The following EPPK1 variants were observed in gnomAD, a reference collection of about 807,000 sequenced individuals.
EPPK1 encodes the protein epiplakin.
For missense variants in EPPK1, 3,823 were observed against 3,673.3 expected, an observed-to-expected ratio of 1.04 and a Z score of -1.05; for synonymous variants, 1,862 against 1,721.2, an observed-to-expected ratio of 1.08 and a Z score of -2.03.
rs372896876 is a variant in EPPK1, at chr8:143,867,360, C to A, written c.5894G>T (p.Arg1965Leu). 2 of 1,612,886 alleles carry A rather than the reference C, an allele frequency of 1.2e-6. No individual in the cohort carries two copies. Among genetic ancestry groups the A allele is most frequent in the Middle Eastern group, 1.6e-4 (1 of 6,062 alleles). ...VDVGLVNEEL[R>L]ERLLKAERAA... ...TCTTTCAGCCTTCAGGAGCCTCTCC[C>A]GCAGCTCCTCGTTCACCAGGCCCAC... Residue 1965 changes from arginine to leucine, a missense_variant, in exon 2 of 2, where the codon CGG (arginine) becomes CTG (leucine). By Grantham distance (102) the Arg-to-Leu change is moderately radical. Transcript: ENST00000615648.
chr8:143,878,615 G>A (rs1428700226), upstream of EPPK1, among the ~76,000 whole-genome samples: 1 of 151,534 alleles, frequency 6.6e-6, no homozygotes, highest in African/African-American at 2.4e-5. Flanking sequence ...CTTGCACCCC[G>A]GGCAAGGGGC....
chr8:143,879,169 G>A (rs1554662827), upstream of EPPK1, among the ~76,000 whole-genome samples: 1 of 152,180 alleles, frequency 6.6e-6, no homozygotes, highest in African/African-American at 2.4e-5. Flanking sequence ...CCTCAGCCTG[G>A]CACGGGAACC....
In EPPK1 at chr8:143,873,199, G is replaced by T; in HGVS notation, c.55C>A (p.Gln19Lys). The change falls in exon 2 of 2, where the codon CAG becomes AAG. Residue 19 changes from glutamine to lysine, a missense_variant. Transcript: ENST00000615648. ...GCCATGGCTCTGGGTACACTGGCCT[G>T]CTCTGTGCTGTTGGTGCCTGGGACG... is the stretch of plus-strand genomic sequence containing the variant. ...LPVPGTNSTEQASVPRAMAAT... is the reference protein window; with the variant it reads ...LPVPGTNSTEKASVPRAMAAT... The T allele has an allele frequency of 2.5e-6, 4 of 1,590,618 alleles. No individual in the cohort carries two copies. The highest frequency in any genetic ancestry group is 3.4e-6 in the Non-Finnish European group (4 of 1,172,128).
Position 143,868,349 on chromosome 8 carries a change from C to G in EPPK1, c.4905G>C (p.Gly1635=), listed in dbSNP as rs1819212920. 2 of 1,613,026 alleles carry G rather than the reference C, an allele frequency of 1.2e-6. No individual in the cohort carries two copies. Among genetic ancestry groups the G allele is most frequent in the Non-Finnish European group, 1.7e-6 (2 of 1,179,984 alleles). The change falls in exon 2 of 2, where the codon GGG becomes GGC. Residue 1635 remains glycine, a synonymous_variant. Transcript: ENST00000615648. ...ACAGCAGCTTCACGTAGGTTTCTTT[C>G]CCGAACATTCCTGCTTTGAACGCCT... ...VEEAFKAGMF[G]KETYVKLLSA... is the part of the protein sequence containing the mutation.
In EPPK1 at chr8:143,868,130, G is replaced by C; in HGVS notation, c.5124C>G (p.Gly1708=). 2.5e-6 allele frequency: 4 copies of C among 1,613,332 alleles called. No individual in the cohort carries two copies. The highest frequency in any genetic ancestry group is 3.4e-6 in the Non-Finnish European group (4 of 1,180,042). Residue 1708 remains glycine (G), a synonymous_variant, in exon 2 of 2, where the codon GGC becomes GGG. Coordinates refer to ENST00000615648, the MANE Select transcript of EPPK1 (RefSeq NM_031308.4). ...RVPVDVAYRC[G]YFDEEMNRIL... ...TGCGGTTCATCTCCTCGTCGAAGTA[G>C]CCGCAGCGGTAGGCCACGTCCACGG...
rs781999590 is a variant in EPPK1 at position 143,870,512 on chromosome 8, C to G, written c.2742G>C (p.Glu914Asp). 1.7e-5 allele frequency: 27 copies of G among 1,608,888 alleles called. No individual in the cohort carries two copies. Among genetic ancestry groups the G allele is most frequent in the Non-Finnish European group, 2.2e-5 (26 of 1,177,792 alleles). The change falls in exon 2 of 2, where the codon GAG (glutamate) becomes GAC (aspartate). Residue 914 changes from glutamate (E) to aspartate (D), a missense_variant. Physicochemically the swap from Glu to Asp is conservative, Grantham distance 45. Coordinates refer to ENST00000615648, the MANE Select transcript of EPPK1 (RefSeq NM_031308.4). This position sits in a 1 kb window ranked among gnomAD's most constrained non-coding sequence, Gnocchi z 5.2. The stretch of plus-strand genomic sequence containing the variant: ...GGACGCCGTCCATGAGTAGGAGGGC[C>G]TCCGGGCTGATTGTCCCGGCCAGCA... ...DQVLAGTISPEALLLMDGVRR... is the reference protein window; with the variant it reads ...DQVLAGTISPDALLLMDGVRR...
In EPPK1 at chr8:143,870,515, C is replaced by T. The variant is rs376055418; in HGVS notation, c.2739G>A (p.Pro913=). ...LDQVLAGTIS[P]EALLLMDGVR... ...CGCCGTCCATGAGTAGGAGGGCCTC[C>T]GGGCTGATTGTCCCGGCCAGCACTT... is the stretch of plus-strand genomic sequence containing the variant. Residue 913 remains proline (P), a synonymous_variant, in exon 2 of 2, where the codon CCG becomes CCA. Coordinates refer to ENST00000615648, the MANE Select transcript of EPPK1 (RefSeq NM_031308.4). This position sits in a 1 kb window ranked among gnomAD's most constrained non-coding sequence, Gnocchi z 5.2. The T allele has an allele frequency of 5.6e-5, 90 of 1,609,050 alleles. No homozygotes were observed. Among genetic ancestry groups the T allele is most frequent in the African/African-American group, 1.7e-4 (13 of 74,976 alleles).
chr8:143,868,862 C>A lies in EPPK1; in HGVS notation c.4392G>T (p.Gly1464=), dbSNP rs782502076. 1 of 1,609,858 alleles carries A rather than the reference C, an allele frequency of 6.2e-7. No homozygotes were observed. The highest frequency in any genetic ancestry group is 1.7e-5 in the Admixed American group (1 of 59,982). ...GCAGGTCCCAGAGTGACACGCTACA[C>A]CCCTTAAACCTCCCTGTGCTGACGG... is the stretch of plus-strand genomic sequence containing the variant. ...KVPVSTGRFK[G]CSVSLWDLLL... Residue 1464 remains glycine, a synonymous_variant, in exon 2 of 2, where the codon GGG becomes GGT. Transcript: ENST00000615648.
chr8:143,871,841 T>A lies in EPPK1; in HGVS notation c.1413A>T (p.Gly471=). 1 of 1,611,870 alleles carries A rather than the reference T, an allele frequency of 6.2e-7. No individual in the cohort carries two copies. The highest frequency in any genetic ancestry group is 8.5e-7 in the Non-Finnish European group (1 of 1,179,724). The change falls in exon 2 of 2, where the codon GGA becomes GGT. Residue 471 remains glycine, a synonymous_variant. Transcript: ENST00000615648. ...GTCCCTGGGGCTCCCCTCCCCGGGG[T>A]CCCCCTGAGAGTGGCAGGAAGGCAA... The part of the protein sequence containing the change: ...TGLAFLPLSG[G]PRGGEPQGPP...
rs782381962 is a variant in EPPK1, at chr8:143,866,888, C to G, written c.6366G>C (p.Leu2122=). The G allele has an allele frequency of 2.5e-6, 4 of 1,613,208 alleles. No individual in the cohort carries two copies. The highest frequency in any genetic ancestry group is 1.7e-5 in the Admixed American group (1 of 60,032). Reference sequence around the variant, plus strand: ...CGTATTCGGAATTCAGTAGTGCCCACAGTGTTGGTTTCTGGCCTCTGAACC... The same window carrying G: ...CGTATTCGGAATTCAGTAGTGCCCAGAGTGTTGGTTTCTGGCCTCTGAACC... ...VGRFRGQKPT[L]WALLNSEYVT... is the part of the protein sequence containing the mutation. Residue 2122 remains leucine (L), a synonymous_variant, in exon 2 of 2, where the codon CTG becomes CTC. Coordinates refer to ENST00000615648, the MANE Select transcript of EPPK1 (RefSeq NM_031308.4).
chr8:143,867,427 G>T lies in EPPK1; in HGVS notation c.5827C>A (p.Pro1943Thr). The T allele has an allele frequency of 7.4e-6, 12 of 1,612,762 alleles. No individual in the cohort carries two copies. The highest frequency in any genetic ancestry group is 1.0e-5 in the Non-Finnish European group (12 of 1,179,874). The change falls in exon 2 of 2, where the codon CCC (proline) becomes ACC (threonine). Residue 1943 changes from proline to threonine, a missense_variant. Transcript: ENST00000615648. ...ACAGAGAGCTTCTGGCGGGTGCAGG[G>T]GTCCAGGAGGAACCCGGTGGCGGCC... ...AQAATGFLLD[P>T]CTRQKLSVDE...
At position 143,857,674 on chromosome 8, in the gene EPPK1, C is replaced by T. The variant is rs782387372; in HGVS notation, c.*313G>A. 2.9e-6 allele frequency: 1 copy of T among 350,480 alleles called. No individual in the cohort carries two copies. The highest frequency in any genetic ancestry group is 5.1e-6 in the Non-Finnish European group (1 of 196,038). 21.7% of individuals were successfully genotyped at this position (350,480 alleles called of 1,614,324 possible). The stretch of plus-strand genomic sequence containing the variant: ...GATGGACTGAGAGTCTAAAGAGTGA[C>T]ATTCTGTAAAATGGAAGCAGTGAAT... On this transcript the variant is annotated 3_prime_UTR_variant, in exon 2 of 2. Coordinates refer to ENST00000615648, the MANE Select transcript of EPPK1 (RefSeq NM_031308.4).
chr8:143,872,355 C>T lies in EPPK1; in HGVS notation c.899G>A (p.Ser300Asn), dbSNP rs1554661535. ...VVLLPEGHKK[S>N]FFQAATEHLL... Reference sequence around the variant, plus strand: ...GTGCTCGGTGGCAGCCTGGAAAAAGCTCTTCTTGTGGCCTTCGGGCAGCAG... The same window carrying T: ...GTGCTCGGTGGCAGCCTGGAAAAAGTTCTTCTTGTGGCCTTCGGGCAGCAG... Residue 300 changes from serine (S) to asparagine (N), a missense_variant, in exon 2 of 2, where the codon AGC becomes AAC. Transcript: ENST00000615648. 5.0e-6 allele frequency: 8 copies of T among 1,605,452 alleles called. No homozygotes were observed. The highest frequency in any genetic ancestry group is 6.8e-6 in the Non-Finnish European group (8 of 1,178,258).
In EPPK1 at chr8:143,867,533, G is replaced by A. The variant is rs1554659505; in HGVS notation, c.5721C>T (p.Thr1907=). 1 of 1,612,618 alleles carries A rather than the reference G, an allele frequency of 6.2e-7. No homozygotes were observed. The highest frequency in any genetic ancestry group is 8.5e-7 in the Non-Finnish European group (1 of 1,179,806). Residue 1907 remains threonine, a synonymous_variant, in exon 2 of 2, where the codon ACC becomes ACT. Coordinates refer to ENST00000615648, the MANE Select transcript of EPPK1 (RefSeq NM_031308.4). ...GCIAGVTVPS[T]REVMSLHEAS... is the part of the protein sequence containing the mutation. Reference sequence around the variant, plus strand: ...CCTCATGGAGGCTCATGACCTCCCTGGTGGAGGGCACCGTGACCCCCGCAA... The same window carrying A: ...CCTCATGGAGGCTCATGACCTCCCTAGTGGAGGGCACCGTGACCCCCGCAA...
Position 143,866,928 on chromosome 8 carries a change from T to C in EPPK1, c.6326A>G (p.Glu2109Gly), listed in dbSNP as rs1220994374. ...TRRALEAEQV[E>G]ITVGRFRGQK... Reference sequence around the variant, plus strand: ...GCCTCTGAACCTTCCCACTGTGATTTCCACTTGCTCTGCCTCCAGGGCCCT... The same window carrying C: ...GCCTCTGAACCTTCCCACTGTGATTCCCACTTGCTCTGCCTCCAGGGCCCT... Residue 2109 changes from glutamate (E) to glycine (G), a missense_variant, in exon 2 of 2, where the codon GAA (glutamate) becomes GGA (glycine). Glu to Gly is a moderately conservative substitution (Grantham distance 98). Coordinates refer to ENST00000615648, the MANE Select transcript of EPPK1 (RefSeq NM_031308.4). 2 of 1,612,896 alleles carry C rather than the reference T, an allele frequency of 1.2e-6. No individual in the cohort carries two copies. The highest frequency in any genetic ancestry group is 2.2e-5 in the East Asian group (1 of 44,892).
In EPPK1 at chr8:143,868,051, CG is replaced by C. The variant is rs1563881435; in HGVS notation, c.5202del (p.His1734GlnfsTer27). ...DTKGFFDPNT[H>X]ENLTYLQLLE... ...AGAAGCTGCAGGTACGTGAGGTTCT[CG>C]TGCGTGTTGGGGTCGAAGAAGCCCT... On this transcript the variant is annotated frameshift_variant, in exon 2 of 2. Transcript: ENST00000615648. LOFTEE classifies it low-confidence loss of function (END_TRUNC). The C allele has an allele frequency of 6.8e-6, 11 of 1,613,660 alleles. No individual in the cohort carries two copies. The Admixed American group carries it at 1.5e-4, about 22-fold the overall frequency.
upstream of EPPK1, chr8:143,878,486 C>T (rs1819535436): frequency 6.7e-6 from 1 of 149,262 alleles, no homozygotes; most frequent in Non-Finnish European, 1.5e-5. Flanking sequence ...CCCGCTCCGC[C>T]CGCATTTCAA....
At chr8:143,877,115 G>A (rs1471253262) in intron 1 of EPPK1, among the ~76,000 whole-genome samples, 9 of 152,366 alleles carry the variant, frequency 5.9e-5, no homozygotes, top group African/African-American at 2.2e-4. Flanking sequence ...GTGCCTGCCA[G>A]TGCATGCCCC....
At position 143,868,520 on chromosome 8, in the gene EPPK1, G is replaced by A. The variant is rs782183903; in HGVS notation, c.4734C>T (p.Ile1578=). 4.4e-6 allele frequency: 7 copies of A among 1,608,192 alleles called. No homozygotes were observed. The Admixed American group carries it at 1.2e-4, about 27-fold the overall frequency. The part of the protein sequence containing the change: ...EGGNFIAGVL[I]QGTQERMSIP... The stretch of plus-strand genomic sequence containing the variant: ...TGCTCATCCTCTCCTGGGTGCCCTG[G>A]ATAAGGACCCCGGCAATGAAGTTGC... Residue 1578 remains isoleucine (I), a synonymous_variant, in exon 2 of 2, where the codon ATC becomes ATT. Coordinates refer to ENST00000615648, the MANE Select transcript of EPPK1 (RefSeq NM_031308.4).
Sources: allele counts gnomAD v4.1 joint callset (sites outside exome capture counted in the v4.1 genomes callset), GRCh38; gene constraint gnomAD v4.1.1; non-coding constraint Gnocchi (gnomAD v3.1); transcripts MANE v1.5; gene names NCBI Gene and HGNC (gene_info 2026-07-23, HGNC 2026-07-21).